Variants in IL1RAPL1 observed in about 807,000 individuals in gnomAD.
The protein encoded by IL1RAPL1 is interleukin 1 receptor accessory protein like 1.
Under a neutral mutation model 48.4 loss-of-function variants are expected in IL1RAPL1, and 3 were observed. The observed-to-expected ratio is 0.06, with a 90% CI of 0.03 to 0.16. The LOEUF (loss-of-function observed/expected upper bound fraction) is 0.16. Among genes scored for constraint, IL1RAPL1 ranks in the 10% least tolerant of loss-of-function variants. The pLI is 1.00. For missense variants in IL1RAPL1, 349 were observed against 530.6 expected (o/e 0.66, Z 3.36); for synonymous variants, 185 against 187.7 (o/e 0.99, Z 0.12).
chrX:28,717,212 A>G (rs1048608959), intron 1 of IL1RAPL1, among the ~76,000 whole-genome samples: 5 of 112,227 alleles, frequency 4.5e-5, no homozygotes, highest in Admixed American at 9.5e-5. Flanking sequence ...GTTCACTGCA[A>G]TACTATTCAC....
intron 8 of IL1RAPL1, among the ~76,000 whole-genome samples, chrX:29,938,207 A>G (rs1933064589): frequency 1.8e-5 from 2 of 111,957 alleles, no homozygotes; most frequent in Admixed American, 9.5e-5. Flanking sequence ...TTTTCATACA[A>G]TTTTTCTCTA....
rs766229866 is a variant in IL1RAPL1 at position 29,161,788 on chromosome X, A to G, written c.83-121150A>G. Among the ~76,000 whole-genome samples the G allele has an allele frequency of 3.6e-5, 4 of 112,343 alleles. No individual in the cohort carries two copies. The East Asian group carries it at 1.1e-3, about 31-fold the overall frequency. Reference sequence around the variant, plus strand: ...TGTAAATTAGTTCAACCATTGTGGAAGACAGTGTGGCGATTCCTTAAGGAT... The same window carrying G: ...TGTAAATTAGTTCAACCATTGTGGAGGACAGTGTGGCGATTCCTTAAGGAT... On this transcript the variant is annotated intron_variant, in intron 2 of 10. Transcript: ENST00000378993.
At chrX:29,310,005 A>T (rs895870837) in intron 3 of IL1RAPL1, among the ~76,000 whole-genome samples, 2 of 100,016 alleles carry the variant, frequency 2.0e-5, no homozygotes, top group Admixed American at 2.3e-4. Context: ...GAGGCAGGAG[A>T]ATGGCGTGAA....
At chrX:29,245,393 CA>C (rs1931492791) in intron 2 of IL1RAPL1, among the ~76,000 whole-genome samples, 1 of 111,721 alleles carries the variant, frequency 9.0e-6, no homozygotes, top group Non-Finnish European at 1.9e-5. Context: ...CTCCCACCAA[CA>C]GTGTAAAAGC....
chrX:29,080,980 CTTTCTTTCTT>C lies in IL1RAPL1; in HGVS notation c.83-201956_83-201947del, dbSNP rs1350709821. ...TCTTTCTTTCTTTCTTTCTTTCTTT[CTTTCTTTCTT>C]TCTTTCTCTCTCTCTCTCTCTCTCT... On this transcript the variant is annotated intron_variant, in intron 2 of 10. Transcript: ENST00000378993. Among the ~76,000 whole-genome samples, 185 of 43,536 alleles carry C rather than the reference CTTTCTTTCTT, an allele frequency of 4.2e-3. 1 individual carries two copies. Among genetic ancestry groups the C allele is most frequent in the Middle Eastern group, 8.2e-3 (1 of 122 alleles). 37.8% of individuals were successfully genotyped at this position (43,536 alleles called of 115,157 possible).
Position 29,623,151 on chromosome X carries a change from G to A in IL1RAPL1, c.704-45279G>A, listed in dbSNP as rs757234482. On this transcript the variant is annotated intron_variant, in intron 5 of 10. Coordinates refer to ENST00000378993, the MANE Select transcript of IL1RAPL1 (RefSeq NM_014271.4). ...GCAAAAATTAGCCTGGCCTGGTGGC[G>A]GGCACCTGTAGTCCCAGCTACTCGG... Among the ~76,000 whole-genome samples, 22 of 107,455 alleles carry A rather than the reference G, an allele frequency of 2.0e-4. 1 individual carries two copies. In the South Asian group the frequency reaches 8.8e-3, roughly 43 times the overall value. 93.3% of individuals were successfully genotyped at this position (107,455 alleles called of 115,157 possible).
At chrX:29,313,280 TGTGTGTGCGC>T (rs1459249095) in intron 3 of IL1RAPL1, among the ~76,000 whole-genome samples, 9 of 82,415 alleles carry the variant, frequency 1.1e-4, no homozygotes, top group Non-Finnish European at 2.1e-4. Context: ...TGTGTGTGTG[TGTGTGTGCGC>T]GCGCACATGC....
At position 29,491,266 on chromosome X, in the gene IL1RAPL1, A is replaced by G. The variant is rs751967290; in HGVS notation, c.703+91958A>G. On this transcript the variant is annotated intron_variant, in intron 5 of 10. Coordinates refer to ENST00000378993, the MANE Select transcript of IL1RAPL1 (RefSeq NM_014271.4). ...TGCTATCACAAGCTATAAATAGGAC[A>G]CTACTCTCTGCCAAAGGTGAATTAA... Among the ~76,000 whole-genome samples, 5 of 112,444 alleles carry G rather than the reference A, an allele frequency of 4.4e-5. No individual in the cohort carries two copies. The East Asian group carries it at 1.1e-3, about 25-fold the overall frequency.
intron 6 of IL1RAPL1, among the ~76,000 whole-genome samples, chrX:29,801,059 A>C (rs867793807): frequency 1.2e-5 from 1 of 86,327 alleles, no homozygotes; most frequent in Admixed American, 1.3e-4. Flanking sequence ...AAAAAAAAAA[A>C]AAAAAAAAAA....
chrX:28,836,004 T>A (rs1308349433), intron 2 of IL1RAPL1, among the ~76,000 whole-genome samples: 1 of 110,912 alleles, frequency 9.0e-6, no homozygotes, highest in Non-Finnish European at 1.9e-5. Flanking sequence ...ACCATTTGTG[T>A]TATATAAACA....
intron 3 of IL1RAPL1, among the ~76,000 whole-genome samples, chrX:29,311,762 G>A (rs1429407604): frequency 1.8e-5 from 2 of 111,599 alleles, no homozygotes; most frequent in Non-Finnish European, 3.8e-5. Flanking sequence ...CCCAAATTTA[G>A]TTCATCACGA....
intron 5 of IL1RAPL1, among the ~76,000 whole-genome samples, chrX:29,554,632 A>T (rs768843628): frequency 9.0e-5 from 10 of 110,902 alleles, no homozygotes; most frequent in Non-Finnish European, 1.9e-4. Flanking sequence ...TTCTTCATTC[A>T]CTCTCTTAGC....
chrX:28,964,469 A>G (rs1009648090), intron 2 of IL1RAPL1, among the ~76,000 whole-genome samples: 12 of 111,653 alleles, frequency 1.1e-4, no homozygotes, highest in African/African-American at 3.6e-4. Flanking sequence ...CTCATATACA[A>G]ATTTTGTTAT....
intron 5 of IL1RAPL1, among the ~76,000 whole-genome samples, chrX:29,468,847 G>A (rs1238602295): frequency 1.8e-5 from 2 of 111,741 alleles, no homozygotes. Flanking sequence ...GAACTGCTCA[G>A]TTTAAATGGA....
intron 2 of IL1RAPL1, among the ~76,000 whole-genome samples, chrX:29,258,653 C>CA (rs1199893532): frequency 9.1e-6 from 1 of 109,926 alleles, no homozygotes; most frequent in Admixed American, 9.8e-5. Flanking sequence ...TGTTTCCAAT[C>CA]AAGCCTTCTA....
chrX:29,849,297 G>C (rs1465527074), intron 6 of IL1RAPL1, among the ~76,000 whole-genome samples: 2 of 111,538 alleles, frequency 1.8e-5, no homozygotes, highest in Non-Finnish European at 3.8e-5. Flanking sequence ...GCCTGACTCT[G>C]ATACCTGAAA....
chrX:29,800,495 TAC>T lies in IL1RAPL1; in HGVS notation c.779-116949_779-116948del, dbSNP rs111338514. On this transcript the variant is annotated intron_variant, in intron 6 of 10. Transcript: ENST00000378993. ...TATTATAGGAGACTCATATCCCAAATACACACACACACACACACACATGCAGA... is the reference window on the plus strand; with the variant it reads ...TATTATAGGAGACTCATATCCCAAATACACACACACACACACACATGCAGA... 4.7e-3 allele frequency among the ~76,000 whole-genome samples: 490 copies of T among 103,723 alleles called. 3 individuals are homozygous for T. The highest frequency in any genetic ancestry group is 0.014 in the African/African-American group (410 of 28,560). 90.1% of individuals were successfully genotyped at this position (103,723 alleles called of 115,157 possible).
At chrX:29,161,218 A>G (rs1402392726) in intron 2 of IL1RAPL1, among the ~76,000 whole-genome samples, 1 of 111,932 alleles carries the variant, frequency 8.9e-6, no homozygotes, top group Non-Finnish European at 1.9e-5. Context: ...AAGTACAGCT[A>G]TAAAATGAGG....
chrX:29,857,200 A>G (rs141667956), intron 6 of IL1RAPL1, among the ~76,000 whole-genome samples: 1,215 of 111,641 alleles, frequency 0.011, 17 homozygotes, highest in African/African-American at 0.036. Flanking sequence ...TTCAAATAGC[A>G]CAAGAGAAAA....
Sources: allele counts gnomAD v4.1 joint callset (sites outside exome capture counted in the v4.1 genomes callset), GRCh38; gene constraint gnomAD v4.1.1; transcripts MANE v1.5; gene names NCBI Gene and HGNC (gene_info 2026-07-23, HGNC 2026-07-21).